Variants in DNAAF5 observed in about 807,000 individuals in gnomAD.
DNAAF5 encodes the protein HEAT repeat containing 2.
In DNAAF5, 64 loss-of-function variants were observed where a neutral mutation model predicts 75.8. That is an observed-to-expected ratio of 0.84 (90% confidence interval 0.69 to 1.04). The LOEUF (loss-of-function observed/expected upper bound fraction) is 1.04. Among genes scored for constraint, DNAAF5 ranks in the 50% least tolerant of loss-of-function variants. DNAAF5 has a pLI of 0.00. For synonymous variants in DNAAF5, 657 were observed against 557.2 expected, an observed-to-expected ratio of 1.18 and a Z score of -2.52; for missense variants, 1,269 against 1,178.5, an observed-to-expected ratio of 1.08 and a Z score of -1.12.
In DNAAF5 at chr7:763,677, C is replaced by T; in HGVS notation, c.1615-129C>T. 3 of 1,078,466 alleles carry T rather than the reference C, an allele frequency of 2.8e-6. No individual in the cohort carries two copies. In the South Asian group the frequency reaches 4.5e-5, roughly 16 times the overall value. 66.8% of individuals were successfully genotyped at this position (1,078,466 alleles called of 1,614,324 possible). ...GGCGGGGCTCCCTGTGGCAGCCTCCCTCCCGATTATCCTGGCAGGCCCGGC... is the reference window on the plus strand; with the variant it reads ...GGCGGGGCTCCCTGTGGCAGCCTCCTTCCCGATTATCCTGGCAGGCCCGGC... On this transcript the variant is annotated intron_variant, in intron 7 of 12. Transcript: ENST00000297440.
intron 2 of DNAAF5, among the ~76,000 whole-genome samples, chr7:731,106 C>T (rs1307586130): frequency 1.3e-5 from 2 of 152,192 alleles, no homozygotes; most frequent in Admixed American, 1.3e-4. Flanking sequence ...TTTTCTCTCC[C>T]ACCTTCCTTA....
rs1781359027 is a variant in DNAAF5, at chr7:727,253, C to G, written c.533C>G (p.Pro178Arg). 1 of 1,339,974 alleles carries G rather than the reference C, an allele frequency of 7.5e-7. No homozygotes were observed. The highest frequency in any genetic ancestry group is 9.5e-7 in the Non-Finnish European group (1 of 1,049,288). 83.0% of individuals were successfully genotyped at this position (1,339,974 alleles called of 1,614,324 possible). A position where few individuals can be genotyped will look rare whatever the true frequency, so the allele number is the denominator to read the frequency against. ...GCGCTGCGCTGCTCCCTGCTCGACC[C>G]CTTCGCCGCCGTGCGCCGCGAGAGC... ...LRALRCSLLD[P>R]FAAVRRESCS... is the part of the protein sequence containing the mutation. Residue 178 changes from proline to arginine, a missense_variant, in exon 1 of 13, where the codon CCC becomes CGC. By Grantham distance (103) the Pro-to-Arg change is moderately radical. Transcript: ENST00000297440.
intron 2 of DNAAF5, among the ~76,000 whole-genome samples, chr7:734,144 A>G (rs1365892118): frequency 6.6e-6 from 1 of 152,208 alleles, no homozygotes; most frequent in African/African-American, 2.4e-5. Flanking sequence ...TGTGTTAACT[A>G]ACAGTGGTGA....
At chr7:742,769 C>G (rs1397591942) in intron 4 of DNAAF5, among the ~76,000 whole-genome samples, 2 of 151,120 alleles carry the variant, frequency 1.3e-5, no homozygotes, top group Non-Finnish European at 2.9e-5. Context: ...ACGCCCAGCT[C>G]AAATCACATG....
At chr7:776,457 A>G in intron 11 of DNAAF5, among the ~76,000 whole-genome samples, 1 of 152,232 alleles carries the variant, frequency 6.6e-6, no homozygotes, top group East Asian at 1.9e-4. Context: ...AGCAAGGCAG[A>G]GGTCTCCAAA....
rs200573334 is a variant in DNAAF5 at position 754,672 on chromosome 7, G to T, written c.1108G>T (p.Asp370Tyr). 1.4e-5 allele frequency: 22 copies of T among 1,614,058 alleles called. No individual in the cohort carries two copies. In the East Asian group the frequency reaches 4.9e-4, roughly 36 times the overall value. Reference protein sequence around the residue: ...ILPALCHDITDWVVGTRVKSA... With the variant: ...ILPALCHDITYWVVGTRVKSA... ...CCCTGCCCTGTGCCACGACATCACCGACTGGGTGGTGGGGACCCGAGTGAA... is the reference window on the plus strand; with the variant it reads ...CCCTGCCCTGTGCCACGACATCACCTACTGGGTGGTGGGGACCCGAGTGAA... Residue 370 changes from aspartate (D) to tyrosine (Y), a missense_variant, in exon 5 of 13, where the codon GAC (aspartate) becomes TAC (tyrosine). By Grantham distance (160) the Asp-to-Tyr change is radical. Coordinates refer to ENST00000297440, the MANE Select transcript of DNAAF5 (RefSeq NM_017802.4). The surrounding 1 kb of genome is among the most constrained non-coding windows in gnomAD (Gnocchi z 4.8).
rs1562377117 is a variant in DNAAF5, at chr7:739,112, GTA to G, written c.781-1704_781-1703del. Among the ~76,000 whole-genome samples the G allele has an allele frequency of 1.5e-3, 83 of 54,556 alleles. 9 individuals carry two copies. Among genetic ancestry groups the G allele is most frequent in the South Asian group, 4.2e-3 (3 of 722 alleles). The allele number at this position is 54,556 out of a possible 152,430, so 35.8% of individuals were successfully genotyped here. A position where few individuals can be genotyped will look rare whatever the true frequency, so the allele number is the denominator to read the frequency against. On this transcript the variant is annotated intron_variant, in intron 2 of 12. Coordinates refer to ENST00000297440, the MANE Select transcript of DNAAF5 (RefSeq NM_017802.4). The stretch of plus-strand genomic sequence containing the variant: ...CAGCCACGCCCTCTGCCCCATCACT[GTA>G]TACCTGTTTGGGCTGGGGGCTGGCT...
rs3922641 is a variant in DNAAF5, at chr7:775,151, G to A, written c.2228G>A (p.Arg743Lys). 0.62 allele frequency: 992,019 copies of A among 1,613,026 alleles called. 306,208 individuals are homozygous for A. The highest frequency in any genetic ancestry group is 0.71 in the African/African-American group (53,185 of 74,908). Residue 743 changes from arginine to lysine, a missense_variant, in exon 11 of 13, where the codon AGG becomes AAG. Physicochemically the swap from Arg to Lys is conservative, Grantham distance 26. Coordinates refer to ENST00000297440, the MANE Select transcript of DNAAF5 (RefSeq NM_017802.4). ...GGMTDPEKLI[R>K]IYPELLKRLD... ...ATGACGGATCCAGAGAAACTCATCA[G>A]GATTTATCCTGGTAGGACATTTCTG... is the stretch of plus-strand genomic sequence containing the variant.
intron 8 of DNAAF5, among the ~76,000 whole-genome samples, chr7:766,515 T>C (rs530868475): frequency 1.3e-4 from 20 of 152,244 alleles, no homozygotes; most frequent in Non-Finnish European, 2.8e-4. Context: ...GATTTGACTA[T>C]ATACATTTGA....
intron 8 of DNAAF5, among the ~76,000 whole-genome samples, chr7:770,162 G>C (rs983894597): frequency 6.6e-6 from 1 of 152,078 alleles, no homozygotes; most frequent in East Asian, 1.9e-4. Flanking sequence ...ATGTTGACCA[G>C]GCTGGTCTCA....
At chr7:773,823 G>A (rs573241107) in intron 9 of DNAAF5, among the ~76,000 whole-genome samples, 264 of 152,230 alleles carry the variant, frequency 1.7e-3, no homozygotes, top group African/African-American at 5.8e-3. Context: ...CCGCAGGAGA[G>A]GCCAGGGGCA....
In DNAAF5 at chr7:728,835, T is replaced by TG. The variant is rs1172616923; in HGVS notation, c.596-822dup. Among the ~76,000 whole-genome samples the TG allele has an allele frequency of 4.0e-5, 6 of 151,676 alleles. No individual in the cohort carries two copies. In the East Asian group the frequency reaches 9.7e-4, roughly 24 times the overall value. ...ACCTCTGGCCTTCCTCTCCCCTGGG[T>TG]GGGGGGCCTCACCTCTGGTCTCGGT... is the stretch of plus-strand genomic sequence containing the variant. On this transcript the variant is annotated intron_variant, in intron 1 of 12. Coordinates refer to ENST00000297440, the MANE Select transcript of DNAAF5 (RefSeq NM_017802.4).
intron 12 of DNAAF5, among the ~76,000 whole-genome samples, chr7:780,489 A>G (rs1778900652): frequency 6.6e-6 from 1 of 152,222 alleles, no homozygotes; most frequent in African/African-American, 2.4e-5. Context: ...GATTTTTGCA[A>G]ATGTCTTAAA....
rs371695032 is a variant in DNAAF5 at position 761,829 on chromosome 7, G to A, written c.1547G>A (p.Ser516Asn). ...TGTCATGAGGACTGTGGCGTGGCCA[G>A]CCTGCAGCTCTTGGACGTGCTGCTG... ...SVCHEDCGVA[S>N]LQLLDVLLTI... The change falls in exon 7 of 13, where the codon AGC becomes AAC. Residue 516 changes from serine to asparagine, a missense_variant. Physicochemically the swap from Ser to Asn is conservative, Grantham distance 46. Transcript: ENST00000297440. 21 of 1,605,642 alleles carry A rather than the reference G, an allele frequency of 1.3e-5. No homozygotes were observed. The African/African-American group carries it at 2.7e-4, about 20-fold the overall frequency.
intron 4 of DNAAF5, among the ~76,000 whole-genome samples, chr7:750,480 G>A (rs1782259390): frequency 6.6e-6 from 1 of 152,212 alleles, no homozygotes; most frequent in African/African-American, 2.4e-5. Context: ...GGAGCAGGGT[G>A]GTTTCAGGTT....
intron 7 of DNAAF5, among the ~76,000 whole-genome samples, chr7:763,407 G>T (rs1298764693): frequency 6.6e-6 from 1 of 152,160 alleles, no homozygotes; most frequent in Non-Finnish European, 1.5e-5. Context: ...ACTTTTACCT[G>T]GAGGTCTGGT....
chr7:729,299 G>A (rs980712405), intron 1 of DNAAF5, among the ~76,000 whole-genome samples: 2 of 152,208 alleles, frequency 1.3e-5, no homozygotes, highest in Middle Eastern at 3.2e-3. Flanking sequence ...TCTGGGCTCG[G>A]CTTCTTTCCT....
rs769804298 is a variant in DNAAF5, at chr7:763,926, G to A, written c.1735G>A (p.Ala579Thr). 6.2e-6 allele frequency: 10 copies of A among 1,609,826 alleles called. No individual in the cohort carries two copies. Among genetic ancestry groups the A allele is most frequent in the African/African-American group, 4.0e-5 (3 of 75,066 alleles). ...GACCGCGTCGCACCTTGACTGGACC[G>A]CACACTCGCCGGAGCTCCTGCAGTT... ...RVTASHLDWTAHSPELLQFSV... is the reference protein window; with the variant it reads ...RVTASHLDWTTHSPELLQFSV... The change falls in exon 8 of 13, where the codon GCA (alanine) becomes ACA (threonine). Residue 579 changes from alanine to threonine, a missense_variant. Transcript: ENST00000297440.
At chr7:775,918 T>C (rs1778746336) in intron 11 of DNAAF5, among the ~76,000 whole-genome samples, 1 of 152,234 alleles carries the variant, frequency 6.6e-6, no homozygotes, top group Non-Finnish European at 1.5e-5. Context: ...CTATGCCTTT[T>C]TTTATCAGAG....
Sources: gnomAD v4.1 joint callset for allele counts (sites outside exome capture counted in the v4.1 genomes callset) on GRCh38, gnomAD v4.1.1 for gene constraint, Gnocchi (gnomAD v3.1) non-coding constraint, MANE v1.5 for transcripts, NCBI Gene and HGNC (gene_info 2026-07-23, HGNC 2026-07-21) for gene names.